Variants in ARHGAP10 observed in about 807,000 individuals in gnomAD.
The protein encoded by ARHGAP10 is Rho GTPase activating protein 10.
ARHGAP10 carries 87 observed loss-of-function variants against 108.6 expected under a neutral mutation model. That is an observed-to-expected ratio of 0.80 (90% CI 0.67 to 0.96). The LOEUF is 0.96. Among genes scored for constraint, ARHGAP10 ranks in the 40% least tolerant of loss-of-function variants. The probability of loss-of-function intolerance (pLI) is 0.00; values close to 1 mark genes in which losing one functional copy is unlikely to be tolerated. For missense variants in ARHGAP10, 939 were observed against 954.5 expected, an observed-to-expected ratio of 0.98 and a Z score of 0.21; for synonymous variants, 347 against 341.1, an observed-to-expected ratio of 1.02 and a Z score of -0.19.
chr4:148,018,512 T>C (rs1355633526), intron 18 of ARHGAP10, among the ~76,000 whole-genome samples: 1 of 151,320 alleles, frequency 6.6e-6, no homozygotes, highest in Non-Finnish European at 1.5e-5. Flanking sequence ...CTAAAAACAG[T>C]GTCCCTTTAA....
At chr4:147,852,338 A>C (rs137992754) in intron 4 of ARHGAP10, among the ~76,000 whole-genome samples, 183 of 152,282 alleles carry the variant, frequency 1.2e-3, no homozygotes, top group Non-Finnish European at 1.8e-3. Context: ...CTGGCCGTTC[A>C]CTTGTGCTCT....
intron 19 of ARHGAP10, among the ~76,000 whole-genome samples, chr4:148,029,516 G>C (rs1228424865): frequency 6.6e-6 from 1 of 152,172 alleles, no homozygotes; most frequent in Non-Finnish European, 1.5e-5. Flanking sequence ...AACCATTGTT[G>C]GCATGGATTT....
At chr4:147,871,464 C>A (rs1322256306) in intron 7 of ARHGAP10, among the ~76,000 whole-genome samples, 1 of 152,110 alleles carries the variant, frequency 6.6e-6, no homozygotes, top group African/African-American at 2.4e-5. Context: ...GATGTTTTCT[C>A]TTTCAATCAG....
At chr4:148,046,614 A>G (rs1341332919) in intron 19 of ARHGAP10, among the ~76,000 whole-genome samples, 1 of 152,188 alleles carries the variant, frequency 6.6e-6, no homozygotes, top group Admixed American at 6.5e-5. Flanking sequence ...TGAGGAAGTC[A>G]TTGTGGCTGC....
At chr4:147,822,607 C>A in intron 1 of ARHGAP10, 120 bp from the exon 2 acceptor site, 1 of 983,054 alleles carries the variant, frequency 1.0e-6, no homozygotes, top group Non-Finnish European at 1.5e-6. Context: ...TTGGGTCATG[C>A]CTTCTCATAG....
At chr4:148,004,867 A>G (rs1005377192) in intron 18 of ARHGAP10, among the ~76,000 whole-genome samples, 3 of 152,210 alleles carry the variant, frequency 2.0e-5, no homozygotes, top group African/African-American at 7.2e-5. Flanking sequence ...GAGATCATTG[A>G]TAGCTTTCTT....
At chr4:147,771,644 CCTTGCTAGAGCGGGGTAGAAT>C (rs1319224189) in intron 1 of ARHGAP10, among the ~76,000 whole-genome samples, 4 of 152,114 alleles carry the variant, frequency 2.6e-5, no homozygotes, top group African/African-American at 9.7e-5. Flanking sequence ...TTAGCTTTCT[CCTTGCTAGAGCGGGGTAGAAT>C]CTTGTTTTCT....
In ARHGAP10 at chr4:147,745,790, C is replaced by CTT. The variant is rs70958581; in HGVS notation, c.154+13348_154+13349dup. Among the ~76,000 whole-genome samples, 469 of 132,888 alleles carry CTT rather than the reference C, an allele frequency of 3.5e-3. 2 individuals carry two copies. The highest frequency in any genetic ancestry group is 7.1e-3 in the African/African-American group (258 of 36,170). The allele number at this position is 132,888 out of a possible 152,430, so 87.2% of individuals were successfully genotyped here. ...ACAGGTGTGAGCCACTGTGCCCGGC[C>CTT]TTTTTTTTTTTTTTGAGATGGAGTT... On this transcript the variant is annotated intron_variant, in intron 1 of 22. Transcript: ENST00000336498.
At chr4:147,831,798 A>G (rs1732961988) in intron 3 of ARHGAP10, among the ~76,000 whole-genome samples, 2 of 152,162 alleles carry the variant, frequency 1.3e-5, no homozygotes, top group Admixed American at 1.3e-4. Flanking sequence ...TCCTATAGAG[A>G]TCACAGTCAG....
intron 13 of ARHGAP10, among the ~76,000 whole-genome samples, chr4:147,918,133 A>ATTTAT (rs1737065291): frequency 7.7e-6 from 1 of 129,998 alleles, no homozygotes; most frequent in African/African-American, 3.2e-5. Flanking sequence ...TCTCATTAAG[A>ATTTAT]TTTTTTTTTT....
intron 19 of ARHGAP10, among the ~76,000 whole-genome samples, chr4:148,040,275 G>A (rs1418478094): frequency 1.3e-5 from 2 of 152,164 alleles, no homozygotes; most frequent in African/African-American, 2.4e-5. Context: ...GAAGAGCCTG[G>A]CTGTAGCCCC....
chr4:148,013,324 C>T (rs958125231), intron 18 of ARHGAP10, among the ~76,000 whole-genome samples: 1 of 152,120 alleles, frequency 6.6e-6, no homozygotes, highest in Admixed American at 6.5e-5. Flanking sequence ...ATACATATAC[C>T]TGCCTTCAGG....
rs181701756 is a variant in ARHGAP10, at chr4:148,064,546, G to T, written c.2272+39G>T. 1.7e-4 allele frequency: 258 copies of T among 1,535,544 alleles called. 1 individual carries two copies. The African/African-American group carries it at 3.0e-3, about 18-fold the overall frequency. On this transcript the variant is annotated intron_variant, in intron 22 of 22. Transcript: ENST00000336498. Reference sequence around the variant, plus strand: ...GGAGCTTCGTCTGTTAATCCTGTCCGCAGGATTAATAAGTCTGCAGCATGG... The same window carrying T: ...GGAGCTTCGTCTGTTAATCCTGTCCTCAGGATTAATAAGTCTGCAGCATGG...
chr4:148,032,375 G>C (rs1166383997), intron 19 of ARHGAP10, among the ~76,000 whole-genome samples: 2 of 118,242 alleles, frequency 1.7e-5, no homozygotes, highest in Non-Finnish European at 3.2e-5. Flanking sequence ...TGTAATCATT[G>C]AGAATTTCAT....
intron 1 of ARHGAP10, among the ~76,000 whole-genome samples, chr4:147,776,446 C>T (rs1358506130): frequency 6.6e-6 from 1 of 152,184 alleles, no homozygotes; most frequent in Non-Finnish European, 1.5e-5. Flanking sequence ...TCTCGAAAGG[C>T]TGATCTCAAG....
At chr4:147,932,697 A>T (rs923822060) in intron 13 of ARHGAP10, among the ~76,000 whole-genome samples, 5 of 152,120 alleles carry the variant, frequency 3.3e-5, no homozygotes, top group Non-Finnish European at 7.4e-5. Flanking sequence ...TAGCTAATGG[A>T]TGCTGGGCTT....
At chr4:147,912,683 T>C (rs1579193017) in intron 12 of ARHGAP10, among the ~76,000 whole-genome samples, 1 of 87,786 alleles carries the variant, frequency 1.1e-5, no homozygotes, top group Non-Finnish European at 2.2e-5. Context: ...GGAGACAGGG[T>C]ATTGCTCTGT....
At chr4:147,780,799 G>A (rs1730499043) in intron 1 of ARHGAP10, among the ~76,000 whole-genome samples, 1 of 152,148 alleles carries the variant, frequency 6.6e-6, no homozygotes, top group Non-Finnish European at 1.5e-5. Context: ...AGCAGGGTGA[G>A]CAGGTACCTA....
chr4:147,928,900 TGTTCACAGCAACCCA>T (rs1737566147), intron 13 of ARHGAP10, among the ~76,000 whole-genome samples: 1 of 152,220 alleles, frequency 6.6e-6, no homozygotes, highest in African/African-American at 2.4e-5. Flanking sequence ...TCTCCTTTAA[TGTTCACAGCAACCCA>T]GTTCCCATCA....
Sources: allele counts gnomAD v4.1 joint callset (sites outside exome capture counted in the v4.1 genomes callset), GRCh38; gene constraint gnomAD v4.1.1; transcripts MANE v1.5; gene names NCBI Gene and HGNC (gene_info 2026-07-23, HGNC 2026-07-21).